Variants in TMEM209 observed in about 807,000 individuals in gnomAD.
The protein encoded by TMEM209 is transmembrane protein 209.
TMEM209 carries 65 observed loss-of-function variants against 76.2 expected under a neutral mutation model. That is an observed-to-expected ratio of 0.85 (90% CI 0.70 to 1.05). The LOEUF is 1.05. Ranked by LOEUF, TMEM209 falls within the 50% of genes least tolerant of loss-of-function variation. The pLI, the probability that TMEM209 is intolerant of heterozygous loss-of-function variation, is 0.00. For synonymous variants in TMEM209, 239 were observed against 237.6 expected, an observed-to-expected ratio of 1.01 and a Z score of -0.06; for missense variants, 623 against 685.5, an observed-to-expected ratio of 0.91 and a Z score of 1.02.
intron 5 of TMEM209, among the ~76,000 whole-genome samples, chr7:130,193,502 G>A (rs1253061296): frequency 6.6e-6 from 1 of 151,438 alleles, no homozygotes; most frequent in Admixed American, 6.6e-5. Context: ...TCGCGCGACT[G>A]CACTCCAGCC....
chr7:130,186,671 A>G (rs148232453), intron 6 of TMEM209, among the ~76,000 whole-genome samples: 1 of 152,112 alleles, frequency 6.6e-6, no homozygotes, highest in Non-Finnish European at 1.5e-5. Flanking sequence ...GGCTTTAGAC[A>G]ATGAATAGAA....
At chr7:130,195,018 A>C (rs914537036) in intron 5 of TMEM209, among the ~76,000 whole-genome samples, 12 of 152,108 alleles carry the variant, frequency 7.9e-5, no homozygotes, top group Non-Finnish European at 1.8e-4. Context: ...TTATTGCATT[A>C]ATTGGCCTAT....
rs1283104212 is a variant in TMEM209, at chr7:130,175,553, T to C, written c.1303A>G (p.Lys435Glu). The change falls in exon 11 of 15, where the codon AAA (lysine) becomes GAA (glutamate). Residue 435 changes from lysine (K) to glutamate (E), a missense_variant. Physicochemically the swap from Lys to Glu is moderately conservative, Grantham distance 56 (BLOSUM62 1). Coordinates refer to ENST00000397622, the MANE Select transcript of TMEM209 (RefSeq NM_032842.4). ...AGGTCTGTATCCCACTTTCGTCCTT[T>C]GAAGTCGCCACCTCTGTTCCATCGA... ...SFRWNRGGDF[K>E]GRKWDTDLPT... The C allele has an allele frequency of 6.2e-7, 1 of 1,613,436 alleles. No homozygotes were observed. The highest frequency in any genetic ancestry group is 8.5e-7 in the Non-Finnish European group (1 of 1,179,718).
chr7:130,182,423 T>C (rs745677981), intron 8 of TMEM209, among the ~76,000 whole-genome samples: 6 of 152,198 alleles, frequency 3.9e-5, no homozygotes, highest in South Asian at 2.1e-4. Flanking sequence ...AGTGTTTATA[T>C]TGGTTTGCAA....
chr7:130,204,417 C>CT (rs1798348237), intron 1 of TMEM209, among the ~76,000 whole-genome samples: 1 of 152,222 alleles, frequency 6.6e-6, no homozygotes, highest in South Asian at 2.1e-4. Flanking sequence ...TCTCGACTCA[C>CT]TGCAACCTCC....
intron 6 of TMEM209, among the ~76,000 whole-genome samples, chr7:130,191,024 T>C (rs1434274345): frequency 6.6e-6 from 1 of 152,094 alleles, no homozygotes; most frequent in East Asian, 1.9e-4. Flanking sequence ...ACTATATAGT[T>C]TTAGATCAGT....
chr7:130,188,610 A>G (rs932415865), intron 6 of TMEM209, among the ~76,000 whole-genome samples: 3 of 151,334 alleles, frequency 2.0e-5, no homozygotes, highest in Non-Finnish European at 2.9e-5. Flanking sequence ...AAAAAAAAAA[A>G]AAAAAAAAAA....
chr7:130,199,967 T>C (rs1284829322), intron 5 of TMEM209: 1 of 152,070 alleles, frequency 6.6e-6, no homozygotes, highest in Admixed American at 6.5e-5. Context: ...TAAAAATAAT[T>C]TATAATATTG....
chr7:130,198,712 T>C (rs1174179987), intron 5 of TMEM209, among the ~76,000 whole-genome samples: 1 of 152,204 alleles, frequency 6.6e-6, no homozygotes, highest in Admixed American at 6.5e-5. Flanking sequence ...TACTGAAGCA[T>C]TCTTGTTTTC....
At chr7:130,188,539 C>T (rs989503314) in intron 6 of TMEM209, among the ~76,000 whole-genome samples, 17 of 141,664 alleles carry the variant, frequency 1.2e-4, no homozygotes, top group East Asian at 1.0e-3. Context: ...GAGCTTGCAG[C>T]GAGCCGAGAT....
intron 1 of TMEM209, chr7:130,205,005 G>C (rs536993889): frequency 1.7e-6 from 2 of 1,183,044 alleles, no homozygotes; most frequent in Non-Finnish European, 2.1e-6. Flanking sequence ...GGGAGAGAGG[G>C]GAAAACGTGC....
intron 12 of TMEM209, 34 bp downstream of exon 12, chr7:130,173,791 A>T: frequency 6.2e-7 from 1 of 1,607,052 alleles, no homozygotes; most frequent in Non-Finnish European, 8.5e-7. Context: ...TTTGTGTGAA[A>T]ATCTCAACAC....
chr7:130,178,527 T>G lies in TMEM209; in HGVS notation c.1121A>C (p.Glu374Ala). Residue 374 changes from glutamate (E) to alanine (A), a missense_variant and splice_region_variant, in exon 10 of 15, where the codon GAG (glutamate) becomes GCG (alanine). Coordinates refer to ENST00000397622, the MANE Select transcript of TMEM209 (RefSeq NM_032842.4). ...RMGCPELQIG[E>A]ASITSLKQAA... ...TTGTTTCAAGCTAGTAATACTAGCC[T>G]CTGTTAACATAAAACACAGAGAACA... is the stretch of plus-strand genomic sequence containing the variant. 3.1e-6 allele frequency: 5 copies of G among 1,612,364 alleles called. No homozygotes were observed. The highest frequency in any genetic ancestry group is 3.4e-6 in the Non-Finnish European group (4 of 1,179,384).
rs1442854014 is a variant in TMEM209, at chr7:130,164,771, C to CA, written c.*1679dup. On this transcript the variant is annotated 3_prime_UTR_variant, in exon 15 of 15. Coordinates refer to ENST00000397622, the MANE Select transcript of TMEM209 (RefSeq NM_032842.4). ...AATGAAGTATATGCAACTAGTTTAA[C>CA]AGCATGACAATTGTTATTCCAAGAC... 10 of 152,142 alleles carry CA rather than the reference C, an allele frequency of 6.6e-5. No homozygotes were observed. Among genetic ancestry groups the CA allele is most frequent in the African/African-American group, 2.4e-4 (10 of 41,454 alleles). 9.4% of individuals were successfully genotyped at this position (152,142 alleles called of 1,614,324 possible).
At chr7:130,178,099 T>G (rs1021521360) in intron 10 of TMEM209, among the ~76,000 whole-genome samples, 2 of 152,102 alleles carry the variant, frequency 1.3e-5, no homozygotes, top group African/African-American at 2.4e-5. Flanking sequence ...AGGAAGAAAC[T>G]TATTAAATAG....
rs2117037896 is a variant in TMEM209 at position 130,202,010 on chromosome 7, C to T, written c.413G>A (p.Ser138Asn). The change falls in exon 5 of 15, where the codon AGT (serine) becomes AAT (asparagine). Residue 138 changes from serine (S) to asparagine (N), a missense_variant. Ser to Asn is a conservative substitution (Grantham distance 46, BLOSUM62 1). Transcript: ENST00000397622. ...ACGAGAAGGGCTATAACTCAACACA[C>T]TCTGACCCTGAATTGAAGGGGAAGG... ...APPSPSIQGQ[S>N]VLSYSPSRSP... 1.2e-6 allele frequency: 2 copies of T among 1,613,744 alleles called. No individual in the cohort carries two copies. The highest frequency in any genetic ancestry group is 1.7e-6 in the Non-Finnish European group (2 of 1,179,798).
chr7:130,168,418 G>A (rs754299826), intron 14 of TMEM209, among the ~76,000 whole-genome samples: 6 of 152,090 alleles, frequency 3.9e-5, no homozygotes, highest in African/African-American at 7.2e-5. Context: ...AATCAAATCC[G>A]AAACACTCCT....
rs200007074 is a variant in TMEM209, at chr7:130,203,795, C to T, written c.192G>A (p.Trp64Ter). ...TGAAAATTACTTACTTACCAATATA[C>T]CAGAGGGGCCAGTATGTCACATTGT... The part of the protein sequence containing the change: ...SYYNVTYWPL[W>*]YIELALASLF... Residue 64 changes from tryptophan (W) to a stop codon, truncating the protein, a stop_gained, in exon 3 of 15, where the codon TGG (tryptophan) becomes TGA (stop). Transcript: ENST00000397622. LOFTEE classifies it high-confidence loss of function. The T allele has an allele frequency of 3.1e-6, 5 of 1,602,566 alleles. No homozygotes were observed. In the East Asian group the frequency reaches 1.1e-4, roughly 36 times the overall value.
At chr7:130,176,147 C>G (rs1797229378) in intron 10 of TMEM209, among the ~76,000 whole-genome samples, 1 of 149,316 alleles carries the variant, frequency 6.7e-6, no homozygotes, top group South Asian at 2.1e-4. Flanking sequence ...GAGTCTCGCT[C>G]TGTCACCCAG....
Sources: allele counts gnomAD v4.1 joint callset (sites outside exome capture counted in the v4.1 genomes callset), GRCh38; gene constraint gnomAD v4.1.1; transcripts MANE v1.5; gene names NCBI Gene and HGNC (gene_info 2026-07-23, HGNC 2026-07-21).